CCDC33: variants seen among roughly 807,000 people sequenced by gnomAD.
The protein encoded by CCDC33 is coiled-coil domain containing 33.
CCDC33 carries 94 observed loss-of-function variants against 91.9 expected under a neutral mutation model. The ratio of observed to expected loss-of-function variants is 1.02; its 90% CI spans 0.87 to 1.21. The LOEUF (loss-of-function observed/expected upper bound fraction) is 1.21. Ranked by LOEUF, CCDC33 falls within the 50% of genes most tolerant of loss-of-function variation. The probability of loss-of-function intolerance (pLI) is 0.00; values close to 1 mark genes in which losing one functional copy is unlikely to be tolerated. For synonymous variants in CCDC33, 396 were observed against 374.5 expected (o/e 1.06, Z -0.66); for missense variants, 940 against 935.5 (o/e 1.00, Z -0.06).
At chr15:74,253,649 A>G (rs1178017394) in intron 2 of CCDC33, among the ~76,000 whole-genome samples, 3 of 152,206 alleles carry the variant, frequency 2.0e-5, no homozygotes, top group African/African-American at 7.2e-5. Flanking sequence ...CACAGTCAGC[A>G]GCAGTGGAGC....
rs893441787 is a variant in CCDC33, at chr15:74,316,843, C to A, written c.1291-13346C>A. ...CGCAGCCTCATTTAATCCCCAACAG[C>A]GTTATGAGATGGGCACAGTGATGCA... On this transcript the variant is annotated intron_variant, in intron 11 of 18. Coordinates refer to ENST00000398814, the MANE Select transcript of CCDC33 (RefSeq NM_025055.5). The surrounding 1 kb of genome is among the most constrained non-coding windows in gnomAD (Gnocchi z 4.7). Among the ~76,000 whole-genome samples the A allele has an allele frequency of 6.6e-6, 1 of 152,158 alleles. No individual in the cohort carries two copies. Among genetic ancestry groups the A allele is most frequent in the African/African-American group, 2.4e-5 (1 of 41,432 alleles).
At chr15:74,293,127 G>A (rs2059616552) in intron 10 of CCDC33, among the ~76,000 whole-genome samples, 1 of 152,148 alleles carries the variant, frequency 6.6e-6, no homozygotes, top group South Asian at 2.1e-4. Flanking sequence ...GGCTATGGGG[G>A]AGGGAACTCC....
chr15:74,336,283 A>C, downstream of CCDC33: 2 of 1,410,882 alleles, frequency 1.4e-6, no homozygotes, highest in Non-Finnish European at 1.9e-6. Context: ...TTGGAAAGCC[A>C]AGGGCCACAG....
intron 11 of CCDC33, among the ~76,000 whole-genome samples, chr15:74,327,937 G>A (rs903662942): frequency 1.3e-5 from 2 of 152,238 alleles, no homozygotes; most frequent in African/African-American, 4.8e-5. Flanking sequence ...AGCCTGTGGT[G>A]CAGAGACTGA....
chr15:74,224,603 T>C (rs906623013), intron 2 of CCDC33, among the ~76,000 whole-genome samples: 1 of 152,194 alleles, frequency 6.6e-6, no homozygotes. Flanking sequence ...ACCTGGATGC[T>C]GATTGGGCTC....
chr15:74,334,881 G>T (rs2279356), intron 17 of CCDC33, 94 bp from the exon 18 acceptor site: 663,417 of 1,066,924 alleles, frequency 0.62, 216,673 homozygotes, highest in Non-Finnish European at 0.7. Context: ...TTTGCTTTCT[G>T]CCTGGACAGC....
At chr15:74,259,337 C>T (rs1032631709) in intron 2 of CCDC33, among the ~76,000 whole-genome samples, 9 of 152,104 alleles carry the variant, frequency 5.9e-5, no homozygotes, top group African/African-American at 2.2e-4. Flanking sequence ...AGCCACGTGC[C>T]CATCTGCGGG....
intron 11 of CCDC33, among the ~76,000 whole-genome samples, chr15:74,314,892 A>C (rs111741300): frequency 0.013 from 2,010 of 152,326 alleles, 34 homozygotes; most frequent in Middle Eastern, 0.031. Context: ...GCCCCCTCCT[A>C]GGCTGCAGCA....
At chr15:74,329,834 A>G (rs1172063046) in intron 11 of CCDC33, among the ~76,000 whole-genome samples, 1 of 152,208 alleles carries the variant, frequency 6.6e-6, no homozygotes, top group Admixed American at 6.5e-5. Flanking sequence ...GTGAAGAAAT[A>G]GCTATGATCG....
upstream of CCDC33, among the ~76,000 whole-genome samples, chr15:74,235,425 G>C (rs1028554804): frequency 6.6e-6 from 1 of 152,106 alleles, no homozygotes; most frequent in African/African-American, 2.4e-5. Context: ...CCTGCTCTTC[G>C]GCCAGATTAA....
chr15:74,267,881 T>C (rs1390676908), intron 4 of CCDC33, among the ~76,000 whole-genome samples: 2 of 152,224 alleles, frequency 1.3e-5, no homozygotes, highest in Non-Finnish European at 2.9e-5. Flanking sequence ...AACTTTCTTC[T>C]AAGCATTTCT....
chr15:74,280,039 C>A lies in CCDC33; in HGVS notation c.836C>A (p.Thr279Asn). 1 of 1,614,170 alleles carries A rather than the reference C, an allele frequency of 6.2e-7. No homozygotes were observed. The highest frequency in any genetic ancestry group is 8.5e-7 in the Non-Finnish European group (1 of 1,180,012). ...CTCTTCCAAGGCCGAGATGGAGCTA[C>A]CAGCTTCTCAGAAGACACAGCCCTG... ...SFLFQGRDGA[T>N]SFSEDTALVL... The change falls in exon 8 of 19, where the codon ACC (threonine) becomes AAC (asparagine). Residue 279 changes from threonine to asparagine, a missense_variant. Physicochemically the swap from Thr to Asn is moderately conservative, Grantham distance 65. Transcript: ENST00000398814.
chr15:74,271,802 G>C lies in CCDC33; in HGVS notation c.638+8G>C, dbSNP rs753212986. On this transcript the variant is annotated splice_region_variant and intron_variant, in intron 6 of 18. Coordinates refer to ENST00000398814, the MANE Select transcript of CCDC33 (RefSeq NM_025055.5). ...CAACTACAAGGAATTTAAGTGAGTG[G>C]GGCCCAGGTGGACCTGGGTGAGGAG... The C allele has an allele frequency of 7.4e-6, 12 of 1,611,692 alleles. No homozygotes were observed. Among genetic ancestry groups the C allele is most frequent in the Admixed American group, 5.0e-5 (3 of 59,948 alleles).
intron 7 of CCDC33, among the ~76,000 whole-genome samples, chr15:74,275,906 C>T (rs923130961): frequency 1.1e-4 from 17 of 152,342 alleles, no homozygotes; most frequent in Admixed American, 6.5e-5. Flanking sequence ...CGACCTCTGG[C>T]GATACGCCCA....
At chr15:74,242,977 T>G (rs1284493574) in intron 1 of CCDC33, among the ~76,000 whole-genome samples, 1 of 152,056 alleles carries the variant, frequency 6.6e-6, no homozygotes, top group Non-Finnish European at 1.5e-5. Flanking sequence ...CTTTAAGGCC[T>G]CCTCCTCCCT....
intron 10 of CCDC33, among the ~76,000 whole-genome samples, chr15:74,284,771 T>C (rs921026661): frequency 3.3e-5 from 5 of 152,332 alleles, no homozygotes; most frequent in African/African-American, 1.2e-4. Context: ...CTGAGTACGG[T>C]GATGAGCTAA....
chr15:74,210,684 G>C (rs1271867167), intron 2 of CCDC33, among the ~76,000 whole-genome samples: 1 of 152,196 alleles, frequency 6.6e-6, no homozygotes, highest in South Asian at 2.1e-4. Flanking sequence ...GAGCTGTGAA[G>C]GCATCACTGA....
intron 11 of CCDC33, among the ~76,000 whole-genome samples, chr15:74,326,077 C>A (rs549587429): frequency 1.3e-5 from 2 of 152,326 alleles, no homozygotes; most frequent in African/African-American, 4.8e-5. Context: ...ATAATCCCAG[C>A]ACTTTGGGAG....
intron 11 of CCDC33, among the ~76,000 whole-genome samples, chr15:74,328,858 G>T (rs1433615906): frequency 6.6e-6 from 1 of 152,164 alleles, no homozygotes; most frequent in African/African-American, 2.4e-5. Flanking sequence ...GTCCCCACCC[G>T]TATGTACACA....
Sources: allele counts gnomAD v4.1 joint callset (sites outside exome capture counted in the v4.1 genomes callset), GRCh38; gene constraint gnomAD v4.1.1; non-coding constraint Gnocchi (gnomAD v3.1); transcripts MANE v1.5; gene names NCBI Gene and HGNC (gene_info 2026-07-23, HGNC 2026-07-21).